Variants in PSEN1 observed in about 807,000 individuals in gnomAD.
The protein encoded by PSEN1 is presenilin-1.
A neutral mutation model predicts 53.5 loss-of-function variants in PSEN1; 15 were observed. That is an observed-to-expected ratio of 0.28 (90% CI 0.19 to 0.43). The LOEUF is 0.43. Among genes scored for constraint, PSEN1 ranks in the 20% least tolerant of loss-of-function variants. The pLI is 1.00. For missense variants in PSEN1, 387 were observed against 571.2 expected (o/e 0.68, Z 3.29); for synonymous variants, 208 against 209.8 (o/e 0.99, Z 0.08).
At chr14:73,184,784 G>A (rs1898418564) in intron 5 of PSEN1, among the ~76,000 whole-genome samples, 1 of 151,546 alleles carries the variant, frequency 6.6e-6, no homozygotes, top group African/African-American at 2.4e-5. Context: ...TGGCTGCCGG[G>A]CGGAGACGCT....
At chr14:73,202,972 C>T (rs1043712709) in intron 8 of PSEN1, among the ~76,000 whole-genome samples, 1 of 152,044 alleles carries the variant, frequency 6.6e-6, no homozygotes, top group African/African-American at 2.4e-5. Context: ...TAAACCCTTA[C>T]CTCCTGTGTA....
chr14:73,169,358 C>T (rs1252318543), intron 3 of PSEN1: 2 of 152,220 alleles, frequency 1.3e-5, no homozygotes, highest in African/African-American at 2.4e-5. Context: ...ATTTTTCCCT[C>T]CACAGCTATT....
intron 1 of PSEN1, among the ~76,000 whole-genome samples, chr14:73,142,273 CT>C (rs1470636444): frequency 2.0e-5 from 3 of 152,152 alleles, no homozygotes; most frequent in Non-Finnish European, 2.9e-5. Context: ...TGATTAAATA[CT>C]TTTGTAAAAT....
intron 3 of PSEN1, among the ~76,000 whole-genome samples, chr14:73,158,282 T>TTCTA (rs56240305): frequency 0.33 from 46,241 of 141,320 alleles, 7,579 homozygotes; most frequent in East Asian, 0.35. Flanking sequence ...TAACTTTTTT[T>TTCTA]TCTATCTATC....
intron 1 of PSEN1, among the ~76,000 whole-genome samples, chr14:73,138,368 G>A (rs1046738938): frequency 2.2e-4 from 34 of 151,208 alleles, no homozygotes; most frequent in Non-Finnish European, 1.5e-5. Context: ...ACAGGCGTCC[G>A]CCACCACGCC....
At chr14:73,177,996 G>C (rs1457111864) in intron 5 of PSEN1, among the ~76,000 whole-genome samples, 1 of 151,580 alleles carries the variant, frequency 6.6e-6, no homozygotes, top group African/African-American at 2.4e-5. Context: ...GTGGCGCACT[G>C]CAACCTCTGC....
intron 1 of PSEN1, among the ~76,000 whole-genome samples, chr14:73,140,202 CTTTTTTTT>C (rs35223948): frequency 7.4e-4 from 54 of 73,050 alleles, no homozygotes; most frequent in African/African-American, 2.4e-3. Flanking sequence ...TTTTGCTATT[CTTTTTTTT>C]TTTTTTTTTT....
intron 5 of PSEN1, 118 bp from the exon 6 acceptor site, chr14:73,186,735 C>T: frequency 1.2e-6 from 1 of 826,806 alleles, no homozygotes; most frequent in Non-Finnish European, 2.1e-6. Context: ...TGAGATCGTG[C>T]CACTGCACTC....
intron 9 of PSEN1, among the ~76,000 whole-genome samples, chr14:73,211,265 G>T (rs947823181): frequency 2.6e-5 from 4 of 152,174 alleles, no homozygotes; most frequent in African/African-American, 9.6e-5. Flanking sequence ...TTATAGGCTT[G>T]GTCTTCAGCC....
At chr14:73,166,595 T>C (rs899691107) in intron 3 of PSEN1, among the ~76,000 whole-genome samples, 2 of 152,222 alleles carry the variant, frequency 1.3e-5, no homozygotes, top group Non-Finnish European at 2.9e-5. Context: ...ATTGCAGATA[T>C]AACATTCTTG....
intron 10 of PSEN1, among the ~76,000 whole-genome samples, chr14:73,216,837 G>GCTGGGT (rs1475997274): frequency 2.0e-5 from 3 of 152,004 alleles, no homozygotes; most frequent in Non-Finnish European, 4.4e-5. Flanking sequence ...TAGTACAAGT[G>GCTGGGT]CTGGGTATAA....
rs548789138 is a variant in PSEN1, at chr14:73,188,163, G to C, written c.548+1243G>C. Among the ~76,000 whole-genome samples the C allele has an allele frequency of 1.0e-3, 157 of 151,878 alleles. 3 individuals are homozygous for C. Among genetic ancestry groups the C allele is most frequent in the Non-Finnish European group, 8.8e-4 (60 of 67,968 alleles). ...AGGATGGTCTCGATCTCCTGACCTC[G>C]TGATCCGCCCGCCTTGGCCTCCCAA... On this transcript the variant is annotated intron_variant, in intron 6 of 11. Coordinates refer to ENST00000324501, the MANE Select transcript of PSEN1 (RefSeq NM_000021.4).
chr14:73,177,021 G>T (rs530216042), intron 5 of PSEN1, among the ~76,000 whole-genome samples: 1 of 152,016 alleles, frequency 6.6e-6, no homozygotes, highest in African/African-American at 2.4e-5. Flanking sequence ...ATTTTTTCTG[G>T]ACCTTATTGC....
Position 73,183,203 on chromosome 14 carries a change from C to T in PSEN1, c.481-3650C>T, listed in dbSNP as rs927964170. ...TGCGATCTCAGCTCTCCACAACCTC[C>T]GCCTCTCAGGTTGAAGTGATTCTCC... On this transcript the variant is annotated intron_variant, in intron 5 of 11. Coordinates refer to ENST00000324501, the MANE Select transcript of PSEN1 (RefSeq NM_000021.4). Among the ~76,000 whole-genome samples the T allele has an allele frequency of 3.3e-5, 5 of 152,248 alleles. No individual in the cohort carries two copies. The East Asian group carries it at 5.8e-4, about 18-fold the overall frequency.
In PSEN1 at chr14:73,221,338, A is replaced by G. The variant is rs946781115; in HGVS notation, c.*2049A>G. Reference sequence around the variant, plus strand: ...CTACAGCAAAGCCACCTGAATAGCAATTTGTGATTGGAAGCATTCTTGAGG... The same window carrying G: ...CTACAGCAAAGCCACCTGAATAGCAGTTTGTGATTGGAAGCATTCTTGAGG... On this transcript the variant is annotated 3_prime_UTR_variant, in exon 12 of 12. Transcript: ENST00000324501. 6.6e-6 allele frequency: 1 copy of G among 152,222 alleles called. No individual in the cohort carries two copies. Among genetic ancestry groups the G allele is most frequent in the East Asian group, 1.9e-4 (1 of 5,200 alleles). The allele number at this position is 152,222 out of a possible 1,614,324, so 9.4% of individuals were successfully genotyped here.
chr14:73,193,814 GC>G (rs1898826122), intron 7 of PSEN1, among the ~76,000 whole-genome samples: 2 of 151,888 alleles, frequency 1.3e-5, no homozygotes, highest in African/African-American at 4.8e-5. Flanking sequence ...GCACCACCAT[GC>G]CTGACTAACT....
At chr14:73,161,336 G>A (rs1897531396) in intron 3 of PSEN1, among the ~76,000 whole-genome samples, 1 of 152,126 alleles carries the variant, frequency 6.6e-6, no homozygotes, top group Non-Finnish European at 1.5e-5. Flanking sequence ...ACTGCTTCCT[G>A]TGGTGTGTAG....
chr14:73,158,662 A>G lies in PSEN1; in HGVS notation c.87+10556A>G, dbSNP rs148530636. On this transcript the variant is annotated intron_variant, in intron 3 of 11. Coordinates refer to ENST00000324501, the MANE Select transcript of PSEN1 (RefSeq NM_000021.4). ...TTTTTATAGAAGATGGAGTCTTCCT[A>G]TGTTTCACAGGCTGATCTTGAACTC... is the stretch of plus-strand genomic sequence containing the variant. 6.3e-3 allele frequency among the ~76,000 whole-genome samples: 953 copies of G among 152,194 alleles called. 11 individuals are homozygous for G. Among genetic ancestry groups the G allele is most frequent in the African/African-American group, 0.021 (889 of 41,544 alleles).
chr14:73,142,924 CCAG>C (rs1316026733), intron 1 of PSEN1, among the ~76,000 whole-genome samples: 1 of 152,134 alleles, frequency 6.6e-6, no homozygotes, highest in Non-Finnish European at 1.5e-5. Flanking sequence ...CAGCAGGTGA[CCAG>C]AGAGCAAAAA....
Sources: allele counts gnomAD v4.1 joint callset (sites outside exome capture counted in the v4.1 genomes callset), GRCh38; gene constraint gnomAD v4.1.1; transcripts MANE v1.5; gene names NCBI Gene and HGNC (gene_info 2026-07-23, HGNC 2026-07-21).